SGMS1: variants seen among roughly 807,000 people sequenced by gnomAD.
The protein encoded by SGMS1 is sphingomyelin synthase 1.
Under a neutral mutation model 46.2 loss-of-function variants are expected in SGMS1, and 13 were observed. The observed-to-expected ratio is 0.28, with a 90% CI of 0.18 to 0.45. The LOEUF (loss-of-function observed/expected upper bound fraction) is 0.45. Among genes scored for constraint, SGMS1 ranks in the 20% least tolerant of loss-of-function variants. The pLI is 1.00. For missense variants in SGMS1, 324 were observed against 519.9 expected (o/e 0.62, Z 3.66); for synonymous variants, 203 against 187.8 (o/e 1.08, Z -0.66).
intron 6 of SGMS1, among the ~76,000 whole-genome samples, chr10:50,370,636 G>C (rs1848420666): frequency 1.3e-5 from 2 of 151,572 alleles, no homozygotes; most frequent in South Asian, 2.1e-4. Flanking sequence ...AGCTACTCAG[G>C]AGTCTGAGGC....
intron 3 of SGMS1, among the ~76,000 whole-genome samples, chr10:50,475,416 G>C (rs1414802968): frequency 6.6e-6 from 1 of 152,070 alleles, no homozygotes; most frequent in Non-Finnish European, 1.5e-5. Context: ...CATGCAATAT[G>C]CTTTTAACTT....
chr10:50,530,201 C>T lies in SGMS1; in HGVS notation c.-588-10280G>A, dbSNP rs185366429. ...ATTTTTTTGGCCCTAGTGTTTCCTC[C>T]AAAATTCCTGGCCTTCTTATAGTCA... On this transcript the variant is annotated intron_variant, in intron 2 of 10. Transcript: ENST00000361781. 5.3e-5 allele frequency among the ~76,000 whole-genome samples: 8 copies of T among 152,282 alleles called. No individual in the cohort carries two copies. In the East Asian group the frequency reaches 1.5e-3, roughly 29 times the overall value.
intron 2 of SGMS1, among the ~76,000 whole-genome samples, chr10:50,559,171 C>G (rs1178616246): frequency 2.6e-5 from 4 of 152,114 alleles, no homozygotes; most frequent in Non-Finnish European, 4.4e-5. Flanking sequence ...ATATCAAAGG[C>G]CTGTTACTAA....
At chr10:50,396,210 C>G (rs1848846186) in intron 6 of SGMS1, among the ~76,000 whole-genome samples, 1 of 152,118 alleles carries the variant, frequency 6.6e-6, no homozygotes, top group Non-Finnish European at 1.5e-5. Context: ...CAGGGTGGGG[C>G]TCCCAGTCCC....
intron 7 of SGMS1, among the ~76,000 whole-genome samples, chr10:50,332,878 C>T (rs1847651096): frequency 1.3e-5 from 2 of 152,076 alleles, no homozygotes. Flanking sequence ...CTCCTGCCTC[C>T]ACCTCCTCTG....
chr10:50,318,295 T>C (rs1008278496), intron 8 of SGMS1, among the ~76,000 whole-genome samples: 4 of 152,224 alleles, frequency 2.6e-5, no homozygotes, highest in Admixed American at 2.0e-4. Context: ...AGTTTTGGGC[T>C]ACCATGCAGG....
At chr10:50,617,197 A>T (rs1177792743) in intron 1 of SGMS1, among the ~76,000 whole-genome samples, 2 of 152,232 alleles carry the variant, frequency 1.3e-5, no homozygotes, top group Admixed American at 1.3e-4. Context: ...ATGTAAATGT[A>T]CTTGATGCCA....
chr10:50,620,049 G>A (rs977008113), intron 1 of SGMS1, among the ~76,000 whole-genome samples: 1 of 152,220 alleles, frequency 6.6e-6, no homozygotes, highest in African/African-American at 2.4e-5. Flanking sequence ...CAGGGCCTGA[G>A]CCAAACTTAT....
intron 1 of SGMS1, among the ~76,000 whole-genome samples, chr10:50,616,187 C>T (rs1488567733): frequency 1.3e-5 from 2 of 152,164 alleles, no homozygotes; most frequent in African/African-American, 4.8e-5. Flanking sequence ...ATGGTCACAG[C>T]TCATCACAGG....
intron 6 of SGMS1, among the ~76,000 whole-genome samples, chr10:50,391,019 C>T (rs1848757403): frequency 6.6e-6 from 1 of 152,192 alleles, no homozygotes; most frequent in East Asian, 1.9e-4. Flanking sequence ...TCTGCCCTGG[C>T]CTTGTCCTGG....
chr10:50,507,810 C>A (rs1373895442), intron 3 of SGMS1, among the ~76,000 whole-genome samples: 1 of 152,178 alleles, frequency 6.6e-6, no homozygotes, highest in African/African-American at 2.4e-5. Context: ...TGGAGAAGTC[C>A]CCAGATGGCT....
chr10:50,608,721 T>C (rs1348447054), intron 1 of SGMS1, among the ~76,000 whole-genome samples: 1 of 152,202 alleles, frequency 6.6e-6, no homozygotes, highest in Non-Finnish European at 1.5e-5. Flanking sequence ...GATATGACTA[T>C]ACAGGTGGCA....
intron 7 of SGMS1, among the ~76,000 whole-genome samples, chr10:50,332,359 G>A (rs1847638901): frequency 6.6e-6 from 1 of 152,184 alleles, no homozygotes; most frequent in African/African-American, 2.4e-5. Flanking sequence ...TCATCTCTCA[G>A]AGAGGTCCCC....
chr10:50,560,242 T>A (rs548729331), intron 2 of SGMS1, among the ~76,000 whole-genome samples: 82 of 140,270 alleles, frequency 5.8e-4, no homozygotes, highest in African/African-American at 2.1e-3. Flanking sequence ...AACATAATAT[T>A]ATGTAATATA....
At chr10:50,431,282 T>C (rs1849401886) in intron 6 of SGMS1, among the ~76,000 whole-genome samples, 1 of 152,188 alleles carries the variant, frequency 6.6e-6, no homozygotes, top group Non-Finnish European at 1.5e-5. Context: ...GCGGGAACTA[T>C]AAATACCTTT....
intron 2 of SGMS1, among the ~76,000 whole-genome samples, chr10:50,565,229 A>G (rs1242184458): frequency 6.6e-6 from 1 of 152,190 alleles, no homozygotes; most frequent in Non-Finnish European, 1.5e-5. Flanking sequence ...TGGGCTTAGT[A>G]CACAGTGTCT....
rs1052813309 is a variant in SGMS1 at position 50,533,116 on chromosome 10, A to G, written c.-588-13195T>C. On this transcript the variant is annotated intron_variant, in intron 2 of 10. Coordinates refer to ENST00000361781, the MANE Select transcript of SGMS1 (RefSeq NM_147156.4). ...TAGAGTAAACATAGAATATTTTTAA[A>G]TACTCTTCTATTTTGAGTGGACTAA... is the stretch of plus-strand genomic sequence containing the variant. Among the ~76,000 whole-genome samples, 4 of 152,332 alleles carry G rather than the reference A, an allele frequency of 2.6e-5. No homozygotes were observed. In the East Asian group the frequency reaches 7.7e-4, roughly 29 times the overall value.
chr10:50,383,712 T>TAC (rs570529581), intron 6 of SGMS1, among the ~76,000 whole-genome samples: 1 of 151,990 alleles, frequency 6.6e-6, no homozygotes, highest in Admixed American at 6.6e-5. Context: ...TTGCTCTATT[T>TAC]ACACACACAC....
intron 6 of SGMS1, among the ~76,000 whole-genome samples, chr10:50,371,110 G>T (rs1848429168): frequency 6.6e-6 from 1 of 152,196 alleles, no homozygotes; most frequent in East Asian, 1.9e-4. Flanking sequence ...CAGTAGGTTT[G>T]TTTAGACCAG....
Sources: gnomAD v4.1 joint callset for allele counts (sites outside exome capture counted in the v4.1 genomes callset) on GRCh38, gnomAD v4.1.1 for gene constraint, MANE v1.5 for transcripts, NCBI Gene and HGNC (gene_info 2026-07-23, HGNC 2026-07-21) for gene names.